MX2: variants seen among roughly 807,000 people sequenced by gnomAD.
The protein encoded by MX2 is MX dynamin like GTPase 2, also known as interferon-induced GTP-binding protein Mx2.
Under a neutral mutation model 74.0 loss-of-function variants are expected in MX2, and 51 were observed. The observed-to-expected ratio is 0.69, with a 90% CI of 0.55 to 0.87. MX2 has a LOEUF of 0.87. MX2 is among the 40% of genes least tolerant of loss of function. The probability of loss-of-function intolerance (pLI) is 0.00; values close to 1 mark genes in which losing one functional copy is unlikely to be tolerated. For missense variants in MX2, 832 were observed against 908.7 expected (o/e 0.92, Z 1.09); for synonymous variants, 369 against 339.3 (o/e 1.09, Z -0.96).
At chr21:41,390,832 C>T (rs1364914626) in intron 6 of MX2, 129 bp downstream of exon 6, 2 of 1,021,062 alleles carry the variant, frequency 2.0e-6, no homozygotes, top group Non-Finnish European at 2.8e-6. Context: ...GGTGAAACCT[C>T]GTCTCCACTA....
chr21:41,393,128 A>AAAAAAAAAAAAAAAAAAG (rs2089685157), intron 6 of MX2, among the ~76,000 whole-genome samples: 1 of 139,936 alleles, frequency 7.1e-6, no homozygotes, highest in African/African-American at 3.0e-5. Context: ...AAAAAAAAAA[A>AAAAAAAAAAAAAAAAAAG]AAAGAAAGAA....
intron 3 of MX2, among the ~76,000 whole-genome samples, chr21:41,378,356 G>A (rs946877720): frequency 6.6e-6 from 1 of 152,092 alleles, no homozygotes; most frequent in Non-Finnish European, 1.5e-5. Flanking sequence ...CCCTAGGAGG[G>A]CAGCTTCTCA....
rs73905341 is a variant in MX2, at chr21:41,371,375, G to T, written c.-71-5461G>T. Among the ~76,000 whole-genome samples, 1,326 of 152,274 alleles carry T rather than the reference G, an allele frequency of 8.7e-3. 20 individuals carry two copies. Among genetic ancestry groups the T allele is most frequent in the African/African-American group, 0.03 (1,262 of 41,542 alleles). Reference sequence around the variant, plus strand: ...TGGGTCAACACCTTGGATCTTGACTGCCCTGGCATTTGCTAGGAGGACCTG... The same window carrying T: ...TGGGTCAACACCTTGGATCTTGACTTCCCTGGCATTTGCTAGGAGGACCTG... On this transcript the variant is annotated intron_variant, in intron 1 of 13. Coordinates refer to ENST00000330714, the MANE Select transcript of MX2 (RefSeq NM_002463.2).
At chr21:41,377,273 TGTCTC>T in intron 2 of MX2, 118 bp downstream of exon 2, 1 of 1,378,442 alleles carries the variant, frequency 7.3e-7, no homozygotes, top group Non-Finnish European at 9.9e-7. Context: ...GCACAGCTGA[TGTCTC>T]CAGCTCTCCT....
In MX2 at chr21:41,363,624, C is replaced by T. The variant is rs2089236268; in HGVS notation, c.-72+1569C>T. ...GTGCCAGTGCTTGGTCAGCCATGAC[C>T]CTGCACCATGCGAGTGACATTGGGA... On this transcript the variant is annotated intron_variant, in intron 1 of 13. Transcript: ENST00000330714. This position sits in a 1 kb window ranked among gnomAD's most constrained non-coding sequence, Gnocchi z 4.2. 6.5e-6 allele frequency: 1 copy of T among 154,848 alleles called. No homozygotes were observed. Among genetic ancestry groups the T allele is most frequent in the Admixed American group, 6.5e-5 (1 of 15,294 alleles). 9.6% of individuals were successfully genotyped at this position (154,848 alleles called of 1,614,324 possible). A position where few individuals can be genotyped will look rare whatever the true frequency, so the allele number is the denominator to read the frequency against.
In MX2 at chr21:41,390,734, G is replaced by A. The variant is rs543474340; in HGVS notation, c.871+31G>A. 1.2e-5 allele frequency: 19 copies of A among 1,610,268 alleles called. 1 individual carries two copies. Among genetic ancestry groups the A allele is most frequent in the East Asian group, 1.1e-4 (5 of 44,750 alleles). On this transcript the variant is annotated intron_variant, in intron 6 of 13. Transcript: ENST00000330714. ...AGGAAAGAACCAAGTGGCCGGGTGC[G>A]GTGGCTCAAGCCTGTAATCCCAGCA...
chr21:41,395,493 G>C, intron 6 of MX2, 94 bp from the exon 7 acceptor site: 2 of 1,145,868 alleles, frequency 1.7e-6, no homozygotes, highest in African/African-American at 1.6e-5. Context: ...AGAAGACCTT[G>C]TTGGCCAAAA....
chr21:41,362,820 G>A (rs62219627), intron 1 of MX2, among the ~76,000 whole-genome samples: 25 of 139,542 alleles, frequency 1.8e-4, no homozygotes, highest in Non-Finnish European at 3.5e-4. Flanking sequence ...GTGCAGTGGC[G>A]TGATCATGGC....
At position 41,382,533 on chromosome 21, in the gene MX2, T is replaced by C. The variant is rs1429498944; in HGVS notation, c.701T>C (p.Val234Ala). Residue 234 changes from valine to alanine, a missense_variant, in exon 5 of 14, where the codon GTG (valine) becomes GCG (alanine). Transcript: ENST00000330714. ...CTTCCCGGCATCACCAGGGTGGCTG[T>C]GGACAACCAGCCCCGAGACATCGGA... ...IDLPGITRVA[V>A]DNQPRDIGLQ... 6.2e-7 allele frequency: 1 copy of C among 1,614,086 alleles called. No homozygotes were observed. Among genetic ancestry groups the C allele is most frequent in the Non-Finnish European group, 8.5e-7 (1 of 1,180,056 alleles).
chr21:41,380,060 G>A lies in MX2; in HGVS notation c.486G>A (p.Gln162=). The change falls in exon 4 of 14, where the codon CAG becomes CAA. Residue 162 remains glutamine, a synonymous_variant. Coordinates refer to ENST00000330714, the MANE Select transcript of MX2 (RefSeq NM_002463.2). The surrounding 1 kb of genome is among the most constrained non-coding windows in gnomAD (Gnocchi z 4.3). ...CGCTGGTGCTGAAACTGAAAAAGCAGCCCTGTGAGGCATGGGCCGGAAGGA... is the reference window on the plus strand; with the variant it reads ...CGCTGGTGCTGAAACTGAAAAAGCAACCCTGTGAGGCATGGGCCGGAAGGA... The part of the protein sequence containing the change: ...RCPLVLKLKK[Q]PCEAWAGRIS... 1.9e-6 allele frequency: 3 copies of A among 1,614,066 alleles called. No individual in the cohort carries two copies. Among genetic ancestry groups the A allele is most frequent in the Non-Finnish European group, 2.5e-6 (3 of 1,179,934 alleles).
rs1297270880 is a variant in MX2, at chr21:41,368,657, G to A, written c.-72+6602G>A. ...CATGAAAATGAGGGTGAGGGTGAGG[G>A]TGGCGACAGTTTTAAATATGTTTTA... On this transcript the variant is annotated intron_variant, in intron 1 of 13. Coordinates refer to ENST00000330714, the MANE Select transcript of MX2 (RefSeq NM_002463.2). This position sits in a 1 kb window ranked among gnomAD's most constrained non-coding sequence, Gnocchi z 4.6. Among the ~76,000 whole-genome samples, 1 of 152,168 alleles carries A rather than the reference G, an allele frequency of 6.6e-6. No individual in the cohort carries two copies. Among genetic ancestry groups the A allele is most frequent in the African/African-American group, 2.4e-5 (1 of 41,430 alleles).
chr21:41,392,300 G>A (rs1381315381), intron 6 of MX2, among the ~76,000 whole-genome samples: 3 of 152,224 alleles, frequency 2.0e-5, no homozygotes, highest in Non-Finnish European at 2.9e-5. Context: ...TAAATAAAAC[G>A]TGGCATATAC....
rs751408137 is a variant in MX2, at chr21:41,377,925, C to T, written c.386C>T (p.Ser129Leu). 6 of 1,614,184 alleles carry T rather than the reference C, an allele frequency of 3.7e-6. No homozygotes were observed. Among genetic ancestry groups the T allele is most frequent in the African/African-American group, 1.3e-5 (1 of 75,062 alleles). ...ATCGCCGTCATCGGGGACCAGAGCT[C>T]GGGCAAGAGCTCTGTGCTGGAGGCA... ...PAIAVIGDQS[S>L]GKSSVLEALS... Residue 129 changes from serine to leucine, a missense_variant, in exon 3 of 14, where the codon TCG (serine) becomes TTG (leucine). Physicochemically the swap from Ser to Leu is moderately radical, Grantham distance 145 (BLOSUM62 -2). Coordinates refer to ENST00000330714, the MANE Select transcript of MX2 (RefSeq NM_002463.2).
intron 6 of MX2, among the ~76,000 whole-genome samples, chr21:41,393,633 G>C (rs1303150919): frequency 6.6e-6 from 1 of 152,086 alleles, no homozygotes; most frequent in Non-Finnish European, 1.5e-5. Context: ...TGGAAAACTT[G>C]GTTCTGGGCT....
Position 41,399,212 on chromosome 21 carries a change from A to T in MX2, c.1289A>T (p.Asn430Ile), listed in dbSNP as rs2089777736. 2 of 1,614,016 alleles carry T rather than the reference A, an allele frequency of 1.2e-6. No individual in the cohort carries two copies. Among genetic ancestry groups the T allele is most frequent in the Non-Finnish European group, 1.7e-6 (2 of 1,179,920 alleles). Reference protein sequence around the residue: ...FFLIEKIKMFNQDIEKLVEGE... With the variant: ...FFLIEKIKMFIQDIEKLVEGE... ...CATTTTCAGAAAATCAAGATGTTTA[A>T]TCAGGACATCGAAAAGTTAGTAGAA... The change falls in exon 10 of 14, where the codon AAT becomes ATT. Residue 430 changes from asparagine to isoleucine, a missense_variant. By Grantham distance (149) the Asn-to-Ile change is moderately radical. Coordinates refer to ENST00000330714, the MANE Select transcript of MX2 (RefSeq NM_002463.2).
chr21:41,380,145 C>T lies in MX2; in HGVS notation c.571C>T (p.His191Tyr), dbSNP rs761404955. The T allele has an allele frequency of 6.2e-7, 1 of 1,613,906 alleles. No individual in the cohort carries two copies. The highest frequency in any genetic ancestry group is 8.5e-7 in the Non-Finnish European group (1 of 1,179,828). ...QDPGQVEKEI[H>Y]KAQNVMAGNG... ...CCCTGGCCAGGTGGAGAAAGAGATA[C>T]ACAAAGGTGGGCCCACGTCATTCTG... is the stretch of plus-strand genomic sequence containing the variant. Residue 191 changes from histidine to tyrosine, a missense_variant, in exon 4 of 14, where the codon CAC (histidine) becomes TAC (tyrosine). Transcript: ENST00000330714. The surrounding 1 kb of genome is among the most constrained non-coding windows in gnomAD (Gnocchi z 4.3).
chr21:41,403,473 G>A (rs2089842893), intron 12 of MX2, 130 bp downstream of exon 12: 1 of 834,624 alleles, frequency 1.2e-6, no homozygotes, highest in South Asian at 1.4e-5. Context: ...AGGCTGGCAG[G>A]GCTGGCGGGG....
Position 41,398,972 on chromosome 21 carries a change from G to A in MX2, c.1225G>A (p.Ala409Thr), listed in dbSNP as rs890353802. The change falls in exon 9 of 14, where the codon GCT becomes ACT. Residue 409 changes from alanine (A) to threonine (T), a missense_variant. By Grantham distance (58) the Ala-to-Thr change is moderately conservative (BLOSUM62 0). Transcript: ENST00000330714. ...KATEELRRCG[A>T]DIPSQEADKM... ...GACCGAGGAGCTGCGGCGTTGCGGG[G>A]CTGACATCCCCAGCCAGGAGGCCGA... 3.1e-6 allele frequency: 5 copies of A among 1,614,008 alleles called. No homozygotes were observed. The highest frequency in any genetic ancestry group is 4.2e-6 in the Non-Finnish European group (5 of 1,179,886).
At chr21:41,373,676 T>G (rs1364978159) in intron 1 of MX2, among the ~76,000 whole-genome samples, 1 of 152,004 alleles carries the variant, frequency 6.6e-6, no homozygotes, top group East Asian at 1.9e-4. Flanking sequence ...TCTTTGCCAT[T>G]GTTTCCAAAA....
Sources: gnomAD v4.1 joint callset for allele counts (sites outside exome capture counted in the v4.1 genomes callset) on GRCh38, gnomAD v4.1.1 for gene constraint, Gnocchi (gnomAD v3.1) non-coding constraint, MANE v1.5 for transcripts, NCBI Gene and HGNC (gene_info 2026-07-23, HGNC 2026-07-21) for gene names.